Variants in EYA4 observed in about 807,000 individuals in gnomAD.
EYA4 encodes the protein protein phosphatase EYA4.
Under a neutral mutation model 87.9 loss-of-function variants are expected in EYA4, and 31 were observed. That is an observed-to-expected ratio of 0.35 (90% CI 0.27 to 0.48). The LOEUF (loss-of-function observed/expected upper bound fraction) is 0.48. Ranked by LOEUF, EYA4 falls within the 20% of genes least tolerant of loss-of-function variation. The pLI is 0.99. For missense variants in EYA4, 678 were observed against 761.4 expected (o/e 0.89, Z 1.29); for synonymous variants, 263 against 270.6 (o/e 0.97, Z 0.28).
chr6:133,459,468 A>G (rs903308260), intron 6 of EYA4, among the ~76,000 whole-genome samples: 1 of 152,136 alleles, frequency 6.6e-6, no homozygotes, highest in Non-Finnish European at 1.5e-5. Flanking sequence ...AAAGCCTTCT[A>G]TTTCACAATA....
At chr6:133,461,565 A>G (rs1158337589) in intron 7 of EYA4, among the ~76,000 whole-genome samples, 1 of 152,198 alleles carries the variant, frequency 6.6e-6, no homozygotes, top group Non-Finnish European at 1.5e-5. Flanking sequence ...TAACTAATAT[A>G]GTCACTTTAT....
chr6:133,452,878 G>A (rs1488131168), intron 5 of EYA4: 3 of 152,042 alleles, frequency 2.0e-5, no homozygotes, highest in Admixed American at 6.6e-5. Context: ...TGAAGATACA[G>A]AATAATAATC....
intron 2 of EYA4, among the ~76,000 whole-genome samples, chr6:133,365,564 A>G (rs1216388164): frequency 6.6e-6 from 1 of 152,088 alleles, no homozygotes; most frequent in Non-Finnish European, 1.5e-5. Context: ...GATGGGGCGC[A>G]TGGGGAAGCA....
chr6:133,338,607 G>T lies in EYA4; in HGVS notation c.34-43785G>T, dbSNP rs370965540. ...ATTAAATCTATAGTCACAGAAAAAT[G>T]ATATAAAACCATGAATCCTGCTACA... On this transcript the variant is annotated intron_variant, in intron 2 of 19. Transcript: ENST00000355286. Among the ~76,000 whole-genome samples, 34 of 152,230 alleles carry T rather than the reference G, an allele frequency of 2.2e-4. No individual in the cohort carries two copies. In the South Asian group the frequency reaches 2.9e-3, roughly 13 times the overall value.
intron 2 of EYA4, among the ~76,000 whole-genome samples, chr6:133,375,488 GTTCC>G (rs571596593): frequency 6.1e-4 from 93 of 151,710 alleles, no homozygotes; most frequent in Non-Finnish European, 1.1e-3. Context: ...ATTTTTTTAT[GTTCC>G]TTCATACATT....
At chr6:133,421,234 C>T (rs1390188316) in intron 3 of EYA4, among the ~76,000 whole-genome samples, 1 of 152,194 alleles carries the variant, frequency 6.6e-6, no homozygotes, top group Non-Finnish European at 1.5e-5. Flanking sequence ...TCCTACTACA[C>T]GCTGATTACA....
intron 2 of EYA4, among the ~76,000 whole-genome samples, chr6:133,359,414 C>T (rs1346352733): frequency 6.6e-6 from 1 of 152,206 alleles, no homozygotes. Context: ...GTGAAAGGCC[C>T]ATTGCCCTGT....
chr6:133,244,943 A>G (rs1774284167), intron 1 of EYA4, among the ~76,000 whole-genome samples: 1 of 152,178 alleles, frequency 6.6e-6, no homozygotes, highest in Non-Finnish European at 1.5e-5. Flanking sequence ...CTAACTTTCA[A>G]ATAATCAAAC....
chr6:133,410,513 T>C (rs1248359555), intron 3 of EYA4, among the ~76,000 whole-genome samples: 2 of 150,512 alleles, frequency 1.3e-5, no homozygotes, highest in Non-Finnish European at 3.0e-5. Flanking sequence ...TTATAAAAAT[T>C]TACAAACTAA....
At chr6:133,282,774 GTTA>G (rs1777733994) in intron 2 of EYA4, among the ~76,000 whole-genome samples, 1 of 152,148 alleles carries the variant, frequency 6.6e-6, no homozygotes, top group African/African-American at 2.4e-5. Flanking sequence ...GAAAAGTAAT[GTTA>G]TCAATTTGGT....
chr6:133,268,054 CAT>C (rs1310984507), intron 1 of EYA4, among the ~76,000 whole-genome samples: 125 of 152,172 alleles, frequency 8.2e-4, no homozygotes, highest in African/African-American at 2.8e-3. Flanking sequence ...ATCCAAAAAA[CAT>C]GTACTTATTG....
At chr6:133,401,112 C>T (rs978641228) in intron 3 of EYA4, among the ~76,000 whole-genome samples, 3 of 152,078 alleles carry the variant, frequency 2.0e-5, no homozygotes, top group Admixed American at 6.5e-5. Flanking sequence ...AACTGGGGGT[C>T]ATTATTTAAG....
At chr6:133,352,029 CTTTA>C (rs1783683209) in intron 2 of EYA4, among the ~76,000 whole-genome samples, 1 of 151,414 alleles carries the variant, frequency 6.6e-6, no homozygotes, top group Non-Finnish European at 1.5e-5. Flanking sequence ...TGAATCTCTT[CTTTA>C]TTTATTTGGT....
At chr6:133,470,006 G>C (rs1362662288) in intron 11 of EYA4, among the ~76,000 whole-genome samples, 2 of 151,002 alleles carry the variant, frequency 1.3e-5, no homozygotes, top group East Asian at 2.0e-4. Context: ...TGTCAGATGA[G>C]TAGGTTGCAA....
intron 17 of EYA4, among the ~76,000 whole-genome samples, chr6:133,519,263 G>GA (rs1161947439): frequency 2.7e-5 from 4 of 150,060 alleles, no homozygotes; most frequent in African/African-American, 9.8e-5. Flanking sequence ...GACTAATAAA[G>GA]AAAAAAAGAG....
intron 5 of EYA4, among the ~76,000 whole-genome samples, chr6:133,456,300 G>A (rs1043720657): frequency 6.6e-6 from 1 of 152,080 alleles, no homozygotes; most frequent in Non-Finnish European, 1.5e-5. Flanking sequence ...ATACAAATAT[G>A]TGTACTGCTG....
intron 3 of EYA4, chr6:133,439,432 A>C (rs1033358053): frequency 6.6e-6 from 1 of 152,206 alleles, no homozygotes; most frequent in Non-Finnish European, 1.5e-5. Context: ...TTCTTGAGAA[A>C]CTACTTTTTC....
At chr6:133,424,857 G>A (rs1790529837) in intron 3 of EYA4, among the ~76,000 whole-genome samples, 1 of 150,814 alleles carries the variant, frequency 6.6e-6, no homozygotes, top group Non-Finnish European at 1.5e-5. Context: ...ACTCAGAAGG[G>A]ATGGGGCTCC....
intron 1 of EYA4, among the ~76,000 whole-genome samples, chr6:133,242,209 G>A (rs1774007296): frequency 1.3e-5 from 2 of 152,224 alleles, no homozygotes; most frequent in Admixed American, 1.3e-4. Flanking sequence ...CCAGGCGCGA[G>A]GATGCTGACC....
Sources: gnomAD v4.1 joint callset for allele counts (sites outside exome capture counted in the v4.1 genomes callset) on GRCh38, gnomAD v4.1.1 for gene constraint, MANE v1.5 for transcripts, NCBI Gene and HGNC (gene_info 2026-07-23, HGNC 2026-07-21) for gene names.